The following ACACA variants were observed in gnomAD, a reference collection of about 807,000 sequenced individuals.
ACACA encodes the protein acetyl-CoA carboxylase 1.
A neutral mutation model predicts 296.1 loss-of-function variants in ACACA; 103 were observed. The observed-to-expected ratio is 0.35, with a 90% CI of 0.30 to 0.41. ACACA has a LOEUF of 0.41. ACACA is among the 10% of genes least tolerant of loss of function. ACACA has a pLI of 1.00. For missense variants in ACACA, 1,554 were observed against 2,989.7 expected, an observed-to-expected ratio of 0.52 and a Z score of 11.20; for synonymous variants, 953 against 1,038.6, an observed-to-expected ratio of 0.92 and a Z score of 1.58.
chr17:37,329,069 A>T, intron 3 of ACACA: 1 of 397,618 alleles, frequency 2.5e-6, no homozygotes, highest in Non-Finnish European at 4.4e-6. Flanking sequence ...ATCTAGTGTT[A>T]CTATGTACTG....
chr17:37,115,576 A>G (rs2074204867), intron 50 of ACACA, among the ~76,000 whole-genome samples: 1 of 152,214 alleles, frequency 6.6e-6, no homozygotes, highest in South Asian at 2.1e-4. Flanking sequence ...CTTGTTAAAG[A>G]CTTAGCTACA....
At chr17:37,269,077 T>A (rs2081953545) in intron 10 of ACACA, among the ~76,000 whole-genome samples, 1 of 150,846 alleles carries the variant, frequency 6.6e-6, no homozygotes, top group African/African-American at 2.4e-5. Flanking sequence ...AAGGTAATAT[T>A]CAATTTCTGA....
At chr17:37,217,883 T>A (rs1018990368) in intron 29 of ACACA, among the ~76,000 whole-genome samples, 1 of 151,144 alleles carries the variant, frequency 6.6e-6, no homozygotes, top group African/African-American at 2.4e-5. Flanking sequence ...CCTGGGAACA[T>A]GACAAGACCC....
At chr17:37,125,588 A>G (rs978081825) in intron 48 of ACACA, 110 bp downstream of exon 48, 21 of 1,052,740 alleles carry the variant, frequency 2.0e-5, no homozygotes, top group Non-Finnish European at 2.9e-5. Flanking sequence ...ATATTCTCAG[A>G]CAGTTCAGAC....
chr17:37,276,748 T>A (rs1227251882), intron 7 of ACACA, among the ~76,000 whole-genome samples: 1 of 152,216 alleles, frequency 6.6e-6, no homozygotes, highest in Non-Finnish European at 1.5e-5. Context: ...TAAGGTTAGC[T>A]GCAAAGTTTT....
intron 3 of ACACA, among the ~76,000 whole-genome samples, chr17:37,315,628 A>G (rs1382620089): frequency 6.6e-6 from 1 of 152,216 alleles, no homozygotes; most frequent in East Asian, 1.9e-4. Flanking sequence ...AATGACATAC[A>G]GAACACAGGA....
chr17:37,245,268 G>A, intron 19 of ACACA, 54 bp from the exon 20 acceptor site: 1 of 1,593,086 alleles, frequency 6.3e-7, no homozygotes, highest in East Asian at 2.2e-5. Flanking sequence ...ACAGATGAGT[G>A]CTTAAAAGAA....
chr17:37,263,997 G>GT (rs2081632326), intron 10 of ACACA, 103 bp from the exon 11 acceptor site: 1 of 893,602 alleles, frequency 1.1e-6, no homozygotes. Flanking sequence ...GTCCAGAAGT[G>GT]TCAGGAACCA....
intron 1 of ACACA, among the ~76,000 whole-genome samples, chr17:37,354,221 G>T (rs912617491): frequency 1.3e-5 from 2 of 152,196 alleles, no homozygotes; most frequent in Admixed American, 6.5e-5. Flanking sequence ...CATTATTGTG[G>T]TTCCTTATAT....
intron 24 of ACACA, among the ~76,000 whole-genome samples, chr17:37,240,050 T>C (rs928792723): frequency 3.3e-5 from 5 of 152,150 alleles, no homozygotes; most frequent in Non-Finnish European, 7.3e-5. Flanking sequence ...CTAAAAAGTA[T>C]TGGAAAACCT....
At position 37,205,958 on chromosome 17, in the gene ACACA, T is replaced by C. The variant is rs559477776; in HGVS notation, c.3949-86A>G. 1.6e-4 allele frequency: 182 copies of C among 1,159,034 alleles called. No individual in the cohort carries two copies. In the South Asian group the frequency reaches 2.2e-3, roughly 14 times the overall value. The allele number at this position is 1,159,034 out of a possible 1,614,324, so 71.8% of individuals were successfully genotyped here. On this transcript the variant is annotated intron_variant, in intron 32 of 55. Coordinates refer to ENST00000616317, the MANE Select transcript of ACACA (RefSeq NM_198834.3). ...AAGTTATAATATTTGGTAGAATACCTGAAAAAGAGATACACCCCACAGGAT... is the reference window on the plus strand; with the variant it reads ...AAGTTATAATATTTGGTAGAATACCCGAAAAAGAGATACACCCCACAGGAT...
chr17:37,157,863 A>G (rs2076313941), intron 42 of ACACA, among the ~76,000 whole-genome samples: 1 of 152,070 alleles, frequency 6.6e-6, no homozygotes, highest in African/African-American at 2.4e-5. Flanking sequence ...TTCTGTTGAG[A>G]ACAGACCTTG....
Position 37,086,133 on chromosome 17 carries a change from T to C in ACACA, c.*1183A>G, listed in dbSNP as rs2072182338. The C allele has an allele frequency of 4.5e-6, 1 of 222,976 alleles. No homozygotes were observed. The highest frequency in any genetic ancestry group is 2.3e-5 in the African/African-American group (1 of 44,262). 13.8% of individuals were successfully genotyped at this position (222,976 alleles called of 1,614,324 possible). A position where few individuals can be genotyped will look rare whatever the true frequency, so the allele number is the denominator to read the frequency against. Reference sequence around the variant, plus strand: ...CTTAAGGTCATGTGGATTCTGTGTTTCCTGGAAGCCTCCCTCATCAGGAAG... The same window carrying C: ...CTTAAGGTCATGTGGATTCTGTGTTCCCTGGAAGCCTCCCTCATCAGGAAG... On this transcript the variant is annotated 3_prime_UTR_variant, in exon 56 of 56. Transcript: ENST00000616317.
intron 3 of ACACA, among the ~76,000 whole-genome samples, chr17:37,298,629 G>A (rs979249633): frequency 6.6e-6 from 1 of 152,184 alleles, no homozygotes; most frequent in African/African-American, 2.4e-5. Flanking sequence ...CAAGGCTACT[G>A]TGAGCTATGA....
intron 1 of ACACA, chr17:37,359,131 G>A (rs1045148529): frequency 5.3e-5 from 52 of 985,396 alleles, no homozygotes; most frequent in East Asian, 1.1e-4. Context: ...GGCACACGGA[G>A]AAGGGGCGGG....
chr17:37,336,782 T>A (rs2048138416), intron 2 of ACACA, among the ~76,000 whole-genome samples: 1 of 152,246 alleles, frequency 6.6e-6, no homozygotes, highest in Non-Finnish European at 1.5e-5. Context: ...TAACTCTGTA[T>A]GCTATAACTC....
chr17:37,286,081 G>A (rs2082756482), intron 3 of ACACA, among the ~76,000 whole-genome samples: 1 of 152,140 alleles, frequency 6.6e-6, no homozygotes, highest in African/African-American at 2.4e-5. Context: ...GTAGAGACAA[G>A]GTTTCGCCAT....
chr17:37,268,743 A>ATATATC (rs2081924935), intron 10 of ACACA, among the ~76,000 whole-genome samples: 1 of 102,070 alleles, frequency 9.8e-6, no homozygotes, highest in Non-Finnish European at 2.1e-5. Flanking sequence ...CTATCTATCT[A>ATATATC]TATATATATA....
At chr17:37,377,852 C>T (rs2049366077) in intron 1 of ACACA, 1 of 1,587,240 alleles carries the variant, frequency 6.3e-7, no homozygotes, top group African/African-American at 1.3e-5. Flanking sequence ...TCCCCGGTTC[C>T]CCTCCTCCCC....
Sources: allele counts gnomAD v4.1 joint callset (sites outside exome capture counted in the v4.1 genomes callset), GRCh38; gene constraint gnomAD v4.1.1; transcripts MANE v1.5; gene names NCBI Gene and HGNC (gene_info 2026-07-23, HGNC 2026-07-21).